GFRAL: variants seen among roughly 807,000 people sequenced by gnomAD.
GFRAL encodes the protein GDNF family receptor alpha-like.
In GFRAL, 36 loss-of-function variants were observed where a neutral mutation model predicts 45.4. That is an observed-to-expected ratio of 0.79 (90% CI 0.61 to 1.05). The LOEUF (loss-of-function observed/expected upper bound fraction) is 1.05, where lower values mean the gene tolerates loss of function less well. GFRAL is among the 50% of genes least tolerant of loss of function. The pLI is 0.00. For synonymous variants in GFRAL, 166 were observed against 154.1 expected (o/e 1.08, Z -0.57); for missense variants, 507 against 467.5 (o/e 1.08, Z -0.78).
chr6:55,384,608 C>T lies in GFRAL; in HGVS notation c.953-14572C>T, dbSNP rs577942129. On this transcript the variant is annotated intron_variant, in intron 6 of 8. Transcript: ENST00000340465. Reference sequence around the variant, plus strand: ...AAAGGAGTGAAGAATTTTTGCTTCGCACTGGGTAAAATTAGACTTGGAAGC... The same window carrying T: ...AAAGGAGTGAAGAATTTTTGCTTCGTACTGGGTAAAATTAGACTTGGAAGC... Among the ~76,000 whole-genome samples, 6 of 152,212 alleles carry T rather than the reference C, an allele frequency of 3.9e-5. 1 individual carries two copies. The highest frequency in any genetic ancestry group is 9.6e-5 in the African/African-American group (4 of 41,562).
At chr6:55,329,797 T>C (rs376803884) in intron 1 of GFRAL, among the ~76,000 whole-genome samples, 19 of 151,980 alleles carry the variant, frequency 1.3e-4, no homozygotes, top group African/African-American at 4.6e-4. Context: ...CATGGTCCAA[T>C]CAGTTGTCTT....
At chr6:55,394,549 G>C (rs1052609636) in intron 6 of GFRAL, among the ~76,000 whole-genome samples, 1 of 152,144 alleles carries the variant, frequency 6.6e-6, no homozygotes, top group Non-Finnish European at 1.5e-5. Context: ...GAGGATCAGA[G>C]ACAATTATCA....
chr6:55,378,263 A>C (rs1243248339), intron 6 of GFRAL, among the ~76,000 whole-genome samples: 2 of 152,080 alleles, frequency 1.3e-5, no homozygotes, highest in Non-Finnish European at 2.9e-5. Flanking sequence ...AAGAATTTTG[A>C]TGGTGGGGAA....
intron 6 of GFRAL, among the ~76,000 whole-genome samples, chr6:55,383,439 T>C (rs1231326565): frequency 6.6e-6 from 1 of 152,028 alleles, no homozygotes. Flanking sequence ...TACTGTGTTA[T>C]ACTTTGTTAT....
chr6:55,333,885 C>T lies in GFRAL; in HGVS notation c.257C>T (p.Thr86Ile), dbSNP rs774607017. 3 of 1,609,730 alleles carry T rather than the reference C, an allele frequency of 1.9e-6. No homozygotes were observed. Among genetic ancestry groups the T allele is most frequent in the Admixed American group, 1.7e-5 (1 of 59,724 alleles). ...TTCCAATTTAAAGAGTGTCTTTGCACTGATGACTTCTATTGTACTGTGAAC... is the reference window on the plus strand; with the variant it reads ...TTCCAATTTAAAGAGTGTCTTTGCATTGATGACTTCTATTGTACTGTGAAC... ...SNFQFKECLC[T>I]DDFYCTVNKL... Residue 86 changes from threonine (T) to isoleucine (I), a missense_variant, in exon 3 of 9, where the codon ACT becomes ATT. Transcript: ENST00000340465.
At chr6:55,349,528 G>A (rs1217919714) in intron 3 of GFRAL, among the ~76,000 whole-genome samples, 2 of 151,964 alleles carry the variant, frequency 1.3e-5, no homozygotes, top group African/African-American at 4.8e-5. Context: ...CTGGTACATA[G>A]TAGGGAACCA....
chr6:55,361,711 G>T (rs965924722), intron 6 of GFRAL, among the ~76,000 whole-genome samples: 3 of 151,926 alleles, frequency 2.0e-5, no homozygotes, highest in African/African-American at 7.2e-5. Flanking sequence ...TATGAAAGTA[G>T]CACAAGGACA....
chr6:55,361,385 A>G (rs925281671), intron 6 of GFRAL, among the ~76,000 whole-genome samples: 2 of 152,020 alleles, frequency 1.3e-5, no homozygotes, highest in Non-Finnish European at 2.9e-5. Context: ...ACCTATGTAT[A>G]TCCTCCCATA....
In GFRAL at chr6:55,344,793, C is replaced by T. The variant is rs183868395; in HGVS notation, c.317-5299C>T. 3.1e-3 allele frequency among the ~76,000 whole-genome samples: 467 copies of T among 152,260 alleles called. 3 individuals carry two copies. The highest frequency in any genetic ancestry group is 0.011 in the African/African-American group (454 of 41,536). On this transcript the variant is annotated intron_variant, in intron 3 of 8. Transcript: ENST00000340465. Reference sequence around the variant, plus strand: ...ACATGACTGTATATTTAGAAAATCCCATCATCTCAGCCCAAAATCTCCTTA... The same window carrying T: ...ACATGACTGTATATTTAGAAAATCCTATCATCTCAGCCCAAAATCTCCTTA...
At chr6:55,378,709 C>T (rs1768567072) in intron 6 of GFRAL, among the ~76,000 whole-genome samples, 1 of 151,780 alleles carries the variant, frequency 6.6e-6, no homozygotes, top group East Asian at 1.9e-4. Context: ...TTTTTAATCC[C>T]TTTGACCAAG....
At chr6:55,343,887 C>G (rs747968072) in intron 3 of GFRAL, among the ~76,000 whole-genome samples, 2 of 152,096 alleles carry the variant, frequency 1.3e-5, no homozygotes, top group African/African-American at 4.8e-5. Context: ...GAAATACAAG[C>G]TACCATCAGA....
intron 6 of GFRAL, among the ~76,000 whole-genome samples, chr6:55,368,708 G>T (rs1562058862): frequency 6.6e-6 from 1 of 152,172 alleles, no homozygotes. Flanking sequence ...GCCCTGTGAG[G>T]TGTCAGTCTG....
Position 55,402,072 on chromosome 6 carries a change from G to C in GFRAL, c.*219G>C. The C allele has an allele frequency of 2.7e-6, 1 of 370,792 alleles. No individual in the cohort carries two copies. Among genetic ancestry groups the C allele is most frequent in the Non-Finnish European group, 4.7e-6 (1 of 213,360 alleles). The allele number at this position is 370,792 out of a possible 1,614,324, so 23.0% of individuals were successfully genotyped here. A position where few individuals can be genotyped will look rare whatever the true frequency, so the allele number is the denominator to read the frequency against. On this transcript the variant is annotated 3_prime_UTR_variant, in exon 9 of 9. Coordinates refer to ENST00000340465, the MANE Select transcript of GFRAL (RefSeq NM_207410.2). The stretch of plus-strand genomic sequence containing the variant: ...GTTCACTGCAACCTCTGCCTCCAAG[G>C]TTCAAGTGATTTTCCTGCCTCAGCC...
intron 6 of GFRAL, among the ~76,000 whole-genome samples, chr6:55,389,918 T>C (rs1435675852): frequency 1.3e-5 from 2 of 152,218 alleles, no homozygotes; most frequent in Non-Finnish European, 2.9e-5. Context: ...AATTTAAATC[T>C]CAGTAGAGAT....
chr6:55,344,271 T>C (rs1170504941), intron 3 of GFRAL, among the ~76,000 whole-genome samples: 3 of 152,170 alleles, frequency 2.0e-5, no homozygotes, highest in Non-Finnish European at 4.4e-5. Context: ...CTGATGAACA[T>C]TGATGCAAAA....
chr6:55,355,996 C>T (rs1179513836), intron 5 of GFRAL, among the ~76,000 whole-genome samples: 3 of 151,060 alleles, frequency 2.0e-5, no homozygotes, highest in Non-Finnish European at 4.4e-5. Context: ...TGTTTTATGT[C>T]CTTCATTTTG....
chr6:55,351,490 A>C lies in GFRAL; in HGVS notation c.608A>C (p.Glu203Ala). ...QSDIPCQQSK[E>A]ALHSKTCAVN... is the part of the protein sequence containing the mutation. The stretch of plus-strand genomic sequence containing the variant: ...GATATACCTTGTCAGCAGTCCAAAG[A>C]AGCTCTTCACAGCAAGACATGTGCA... Residue 203 changes from glutamate to alanine, a missense_variant, in exon 5 of 9, where the codon GAA (glutamate) becomes GCA (alanine). Transcript: ENST00000340465. The C allele has an allele frequency of 4.3e-6, 7 of 1,613,666 alleles. No individual in the cohort carries two copies. The highest frequency in any genetic ancestry group is 5.9e-6 in the Non-Finnish European group (7 of 1,179,748).
intron 3 of GFRAL, among the ~76,000 whole-genome samples, chr6:55,344,719 G>C (rs1420066378): frequency 4.6e-5 from 7 of 152,202 alleles, no homozygotes; most frequent in East Asian, 1.9e-4. Flanking sequence ...AGAAATAAAG[G>C]GTATTCAATT....
chr6:55,365,048 A>G (rs1768340122), intron 6 of GFRAL, among the ~76,000 whole-genome samples: 5 of 150,294 alleles, frequency 3.3e-5, no homozygotes. Context: ...CATTTTCACA[A>G]TATTGATTCT....
Sources: allele counts gnomAD v4.1 joint callset (sites outside exome capture counted in the v4.1 genomes callset), GRCh38; gene constraint gnomAD v4.1.1; transcripts MANE v1.5; gene names NCBI Gene and HGNC (gene_info 2026-07-23, HGNC 2026-07-21).